Variants in ANO4 observed in about 807,000 individuals in gnomAD.
ANO4 encodes the protein anoctamin 4.
A neutral mutation model predicts 141.9 loss-of-function variants in ANO4; 69 were observed. That is an observed-to-expected ratio of 0.49 (90% CI 0.40 to 0.59). The LOEUF (loss-of-function observed/expected upper bound fraction) is 0.59, where lower values mean the gene tolerates loss of function less well. Among genes scored for constraint, ANO4 ranks in the 20% least tolerant of loss-of-function variants. ANO4 has a pLI of 0.00. For missense variants in ANO4, 894 were observed against 1,162.2 expected (o/e 0.77, Z 3.36); for synonymous variants, 350 against 394.3 (o/e 0.89, Z 1.33).
chr12:100,972,825 C>G (rs2043988748), intron 6 of ANO4, among the ~76,000 whole-genome samples: 2 of 152,198 alleles, frequency 1.3e-5, no homozygotes, highest in Admixed American at 1.3e-4. Context: ...TCTGCCAGAA[C>G]ACACTTCTGT....
chr12:100,931,110 G>A (rs1453638243), intron 3 of ANO4, among the ~76,000 whole-genome samples: 1 of 152,104 alleles, frequency 6.6e-6, no homozygotes, highest in Non-Finnish European at 1.5e-5. Flanking sequence ...CTTTGCCTTA[G>A]GGATGCTGTC....
chr12:100,850,210 G>T (rs1333398050), intron 1 of ANO4, among the ~76,000 whole-genome samples: 6 of 152,146 alleles, frequency 3.9e-5, no homozygotes, highest in African/African-American at 1.4e-4. Flanking sequence ...TCCTTGGAAA[G>T]GGGACTTATA....
chr12:101,069,282 A>G (rs683561), intron 14 of ANO4: 582,107 of 871,988 alleles, frequency 0.67, 198,719 homozygotes, highest in East Asian at 0.9. Flanking sequence ...AGAAAGCCAA[A>G]CATCACTTGC....
At chr12:100,919,165 G>T in intron 2 of ANO4, among the ~76,000 whole-genome samples, 1 of 151,854 alleles carries the variant, frequency 6.6e-6, no homozygotes, top group East Asian at 1.9e-4. Context: ...AAATCTAAAA[G>T]GTTACAAAGT....
intron 1 of ANO4, among the ~76,000 whole-genome samples, chr12:100,832,447 C>T (rs1238371623): frequency 6.6e-6 from 1 of 152,018 alleles, no homozygotes; most frequent in Admixed American, 6.6e-5. Context: ...AGTAAATGAA[C>T]GTGTGTTTCC....
At chr12:101,015,292 A>G (rs1196136714) in intron 8 of ANO4, among the ~76,000 whole-genome samples, 5 of 152,132 alleles carry the variant, frequency 3.3e-5, no homozygotes, top group Admixed American at 6.5e-5. Flanking sequence ...CTGTGCATGC[A>G]CAAGCAAATA....
chr12:100,739,701 G>A (rs2031778852), intron 2 of ANO4, among the ~76,000 whole-genome samples: 1 of 152,184 alleles, frequency 6.6e-6, no homozygotes, highest in African/African-American at 2.4e-5. Context: ...GAGCCATCAA[G>A]AGGGATGATG....
At chr12:101,022,800 C>T (rs2046585762) in intron 9 of ANO4, among the ~76,000 whole-genome samples, 1 of 152,150 alleles carries the variant, frequency 6.6e-6, no homozygotes, top group Admixed American at 6.5e-5. Flanking sequence ...AGTGCAATGG[C>T]AAGATCTCAG....
intron 3 of ANO4, among the ~76,000 whole-genome samples, chr12:100,764,620 A>G (rs866198131): frequency 2.6e-5 from 4 of 152,222 alleles, no homozygotes; most frequent in Admixed American, 6.5e-5. Context: ...GCATTCTCCA[A>G]TAAGAGTGTG....
At chr12:101,017,862 G>A (rs2046375448) in intron 8 of ANO4, among the ~76,000 whole-genome samples, 1 of 152,196 alleles carries the variant, frequency 6.6e-6, no homozygotes, top group Non-Finnish European at 1.5e-5. Flanking sequence ...CCCTGTGTGT[G>A]TATTCCTCTA....
chr12:101,005,614 A>T (rs1298577388), intron 8 of ANO4, among the ~76,000 whole-genome samples: 1 of 152,248 alleles, frequency 6.6e-6, no homozygotes, highest in Non-Finnish European at 1.5e-5. Flanking sequence ...GTAAATTGGA[A>T]ATAATAAAAA....
intron 1 of ANO4, among the ~76,000 whole-genome samples, chr12:100,807,613 A>G (rs2035139708): frequency 6.6e-6 from 1 of 152,136 alleles, no homozygotes; most frequent in Non-Finnish European, 1.5e-5. Context: ...GGTTTGTTGC[A>G]TAGGTAAACG....
intron 8 of ANO4, among the ~76,000 whole-genome samples, chr12:100,991,921 GA>G (rs2045133036): frequency 6.6e-6 from 1 of 152,118 alleles, no homozygotes; most frequent in Admixed American, 6.5e-5. Flanking sequence ...TTCAAATGTA[GA>G]CTACCTCCAT....
At chr12:100,807,310 C>G (rs575355379) in intron 1 of ANO4, among the ~76,000 whole-genome samples, 1 of 152,100 alleles carries the variant, frequency 6.6e-6, no homozygotes, top group African/African-American at 2.4e-5. Flanking sequence ...GTAGTTAGAA[C>G]TATTTTTGGA....
intron 3 of ANO4, among the ~76,000 whole-genome samples, chr12:100,776,596 AG>A (rs1192042687): frequency 6.6e-6 from 1 of 152,168 alleles, no homozygotes; most frequent in Non-Finnish European, 1.5e-5. Context: ...TTTAATGTGA[AG>A]GGGCTGCTTG....
At chr12:100,942,563 A>T in intron 5 of ANO4, 28 bp downstream of exon 5, 2 of 1,604,070 alleles carry the variant, frequency 1.2e-6, no homozygotes, top group Non-Finnish European at 1.7e-6. Flanking sequence ...ATGAGAAAAA[A>T]ATATATACAT....
chr12:100,880,648 A>G (rs2039520684), intron 1 of ANO4, among the ~76,000 whole-genome samples: 1 of 152,180 alleles, frequency 6.6e-6, no homozygotes, highest in African/African-American at 2.4e-5. Flanking sequence ...TGCCTTTCAT[A>G]TGTTTTTTAA....
At chr12:100,887,558 G>A (rs1428591352) in intron 1 of ANO4, among the ~76,000 whole-genome samples, 3 of 150,368 alleles carry the variant, frequency 2.0e-5, no homozygotes, top group South Asian at 4.2e-4. Context: ...AAGTATTGAT[G>A]TCATGTCCTC....
intron 2 of ANO4, among the ~76,000 whole-genome samples, chr12:100,910,632 G>T (rs1228882599): frequency 6.6e-6 from 1 of 152,004 alleles, no homozygotes; most frequent in Non-Finnish European, 1.5e-5. Flanking sequence ...ATTTTTTTGA[G>T]TTTGAAACTA....
Sources: gnomAD v4.1 joint callset for allele counts (sites outside exome capture counted in the v4.1 genomes callset) on GRCh38, gnomAD v4.1.1 for gene constraint, MANE v1.5 for transcripts, NCBI Gene and HGNC (gene_info 2026-07-23, HGNC 2026-07-21) for gene names.